The following SVOPL variants were observed in gnomAD, a reference collection of about 807,000 sequenced individuals.
The protein encoded by SVOPL is SVOP like, also known as putative transporter SVOPL.
SVOPL carries 60 observed loss-of-function variants against 61.0 expected under a neutral mutation model. The ratio of observed to expected loss-of-function variants is 0.98; its 90% CI spans 0.80 to 1.22. The LOEUF (loss-of-function observed/expected upper bound fraction) is 1.22, where lower values mean the gene tolerates loss of function less well. Among genes scored for constraint, SVOPL ranks in the 50% most tolerant of loss-of-function variants. The pLI is 0.00. For missense variants in SVOPL, 662 were observed against 643.9 expected (o/e 1.03, Z -0.30); for synonymous variants, 279 against 250.0 (o/e 1.12, Z -1.09).
intron 8 of SVOPL, among the ~76,000 whole-genome samples, chr7:138,647,704 C>T (rs183731742): frequency 2.6e-5 from 4 of 151,800 alleles, no homozygotes; most frequent in Admixed American, 1.3e-4. Context: ...AAAAATTAGT[C>T]GGGCGTGGTG....
Position 138,644,827 on chromosome 7 carries a change from G to C in SVOPL, c.679C>G (p.Arg227Gly), listed in dbSNP as rs79848686. Residue 227 changes from arginine (R) to glycine (G), a missense_variant, in exon 9 of 16, where the codon CGG (arginine) becomes GGG (glycine). Coordinates refer to ENST00000674285, the MANE Select transcript of SVOPL (RefSeq NM_001139456.2). Reference protein sequence around the residue: ...VAFKFIPESARFNVSTGNTRA... With the variant: ...VAFKFIPESAGFNVSTGNTRA... ...GTGTTCCCAGTGGAGACATTGAACC[G>C]GGCAGATTCAGGAATAAACTGGGTA... 7 of 1,614,146 alleles carry C rather than the reference G, an allele frequency of 4.3e-6. No individual in the cohort carries two copies. Among genetic ancestry groups the C allele is most frequent in the Middle Eastern group, 1.6e-4 (1 of 6,062 alleles).
chr7:138,597,291 G>C, intron 14 of SVOPL: 1 of 1,192,540 alleles, frequency 8.4e-7, no homozygotes, highest in Non-Finnish European at 1.1e-6. Context: ...GAAAGACCTA[G>C]AAACTATCTG....
intron 14 of SVOPL, among the ~76,000 whole-genome samples, chr7:138,603,021 A>G (rs1437223471): frequency 2.0e-5 from 3 of 152,164 alleles, no homozygotes; most frequent in Non-Finnish European, 2.9e-5. Flanking sequence ...TATAATACAT[A>G]TAACATGTAT....
intron 7 of SVOPL, among the ~76,000 whole-genome samples, chr7:138,652,577 C>T (rs940137729): frequency 4.6e-5 from 7 of 151,926 alleles, no homozygotes; most frequent in South Asian, 2.1e-4. Flanking sequence ...CTAGGCCTGT[C>T]GTACCAAACA....
chr7:138,645,226 G>A (rs183748707), intron 8 of SVOPL, among the ~76,000 whole-genome samples: 68 of 151,592 alleles, frequency 4.5e-4, no homozygotes, highest in East Asian at 2.4e-3. Flanking sequence ...AACCACCAAA[G>A]GGTGACAGGA....
At chr7:138,622,274 C>CTATCTATG (rs1799695897) in intron 13 of SVOPL, among the ~76,000 whole-genome samples, 1 of 103,652 alleles carries the variant, frequency 9.6e-6, no homozygotes, top group Non-Finnish European at 2.0e-5. Flanking sequence ...ATCTATGTAT[C>CTATCTATG]TATCTATCTA....
intron 4 of SVOPL, chr7:138,663,416 C>G: frequency 7.4e-7 from 1 of 1,349,878 alleles, no homozygotes; most frequent in Non-Finnish European, 9.5e-7. Flanking sequence ...ACGGCTTCGG[C>G]TCCACTCTAT....
rs765036167 is a variant in SVOPL at position 138,663,113 on chromosome 7, G to A, written c.306C>T (p.Ile102=). The A allele has an allele frequency of 1.2e-6, 2 of 1,614,128 alleles. No individual in the cohort carries two copies. The highest frequency in any genetic ancestry group is 2.2e-5 in the East Asian group (1 of 44,888). Residue 102 remains isoleucine, a synonymous_variant, in exon 5 of 16, where the codon ATC becomes ATT. Transcript: ENST00000674285. ...ATCTGTCAGCCAGGAGGCCAAAGAG[G>A]ATACTGAAAACCATGTAGCCAAAAA... ...MVFFGYMVFS[I]LFGLLADRYG...
At chr7:138,605,308 C>A (rs1222102730) in intron 14 of SVOPL, among the ~76,000 whole-genome samples, 1 of 151,830 alleles carries the variant, frequency 6.6e-6, no homozygotes, top group Non-Finnish European at 1.5e-5. Context: ...GTAGCTCTTT[C>A]AAATCTCCAA....
At chr7:138,663,180 G>C in intron 4 of SVOPL, 35 bp from the exon 5 acceptor site, 1 of 1,603,144 alleles carries the variant, frequency 6.2e-7, no homozygotes, top group Non-Finnish European at 8.5e-7. Flanking sequence ...GGTTCTCTAA[G>C]CAGGTTTTAC....
chr7:138,630,971 C>CAAAAAAAAAAAAAAAAAAAAA (rs1800157041), intron 9 of SVOPL, among the ~76,000 whole-genome samples: 1 of 123,118 alleles, frequency 8.1e-6, no homozygotes, highest in Non-Finnish European at 1.8e-5. Context: ...AAAAAAAAAG[C>CAAAAAAAAAAAAAAAAAAAAA]AAGGAAGAGT....
At position 138,649,024 on chromosome 7, in the gene SVOPL, G is replaced by A. The variant is rs140188327; in HGVS notation, c.648C>T (p.Ile216=). 5.2e-4 allele frequency: 839 copies of A among 1,613,868 alleles called. 2 individuals are homozygous for A. The African/African-American group carries it at 7.9e-3, about 15-fold the overall frequency. Residue 216 remains isoleucine (I), a synonymous_variant, in exon 8 of 16, where the codon ATC becomes ATT. Coordinates refer to ENST00000674285, the MANE Select transcript of SVOPL (RefSeq NM_001139456.2). ...RVASIPGIIL[I]VAFKFIPESA... is the part of the protein sequence containing the mutation. The stretch of plus-strand genomic sequence containing the variant: ...AGTGCTTCCCCACCTTGAAGGCCAC[G>A]ATGAGGATGATGCCCGGGATGGAGG...
chr7:138,651,563 C>T (rs539173210), intron 7 of SVOPL, among the ~76,000 whole-genome samples: 1 of 152,260 alleles, frequency 6.6e-6, no homozygotes, highest in South Asian at 2.1e-4. Flanking sequence ...ATAGCATGTG[C>T]TCACTTCATA....
In SVOPL at chr7:138,613,830, A is replaced by G. The variant is rs149146696; in HGVS notation, c.1353+7216T>C. Reference sequence around the variant, plus strand: ...CTCAAAAAACCCAAGGCCCTGACTTACATCATTTGTCAATTTCCACAGTGT... The same window carrying G: ...CTCAAAAAACCCAAGGCCCTGACTTGCATCATTTGTCAATTTCCACAGTGT... On this transcript the variant is annotated intron_variant, in intron 14 of 15. Transcript: ENST00000674285. 1.3e-5 allele frequency among the ~76,000 whole-genome samples: 2 copies of G among 152,324 alleles called. 1 individual carries two copies. Among genetic ancestry groups the G allele is most frequent in the Non-Finnish European group, 2.9e-5 (2 of 68,028 alleles).
chr7:138,651,547 T>C (rs1801432564), intron 7 of SVOPL, among the ~76,000 whole-genome samples: 1 of 152,238 alleles, frequency 6.6e-6, no homozygotes, highest in Non-Finnish European at 1.5e-5. Flanking sequence ...TGGTGCCATT[T>C]TCCCAATAGC....
intron 1 of SVOPL, among the ~76,000 whole-genome samples, chr7:138,681,929 A>T (rs1563137176): frequency 6.6e-6 from 1 of 152,196 alleles, no homozygotes; most frequent in African/African-American, 2.4e-5. Flanking sequence ...CACATTGAAG[A>T]TGTTAAAATC....
intron 14 of SVOPL, among the ~76,000 whole-genome samples, chr7:138,607,985 G>A (rs1468746735): frequency 6.6e-6 from 1 of 152,056 alleles, no homozygotes; most frequent in African/African-American, 2.4e-5. Flanking sequence ...TAAAATAGAA[G>A]TTATAATGAA....
chr7:138,644,613 A>G (rs1489211742), intron 9 of SVOPL, 104 bp downstream of exon 9: 8 of 1,446,070 alleles, frequency 5.5e-6, no homozygotes, highest in Non-Finnish European at 7.3e-6. Context: ...CCTCTCAGAC[A>G]GGACTAGAGA....
intron 9 of SVOPL, among the ~76,000 whole-genome samples, chr7:138,636,914 G>T (rs1460622208): frequency 6.6e-6 from 1 of 151,690 alleles, no homozygotes; most frequent in African/African-American, 2.4e-5. Flanking sequence ...GTTTGACCAG[G>T]GGAATTTACC....
Sources: allele counts gnomAD v4.1 joint callset (sites outside exome capture counted in the v4.1 genomes callset), GRCh38; gene constraint gnomAD v4.1.1; transcripts MANE v1.5; gene names NCBI Gene and HGNC (gene_info 2026-07-23, HGNC 2026-07-21).